The following KSR2 variants were observed in gnomAD, a reference collection of about 807,000 sequenced individuals.
KSR2 encodes the protein kinase suppressor of ras 2.
A neutral mutation model predicts 107.8 loss-of-function variants in KSR2; 25 were observed. That is an observed-to-expected ratio of 0.23 (90% CI 0.17 to 0.32). The LOEUF is 0.32. Among genes scored for constraint, KSR2 ranks in the 10% least tolerant of loss-of-function variants. The pLI is 1.00. For missense variants in KSR2, 887 were observed against 1,268.9 expected (o/e 0.70, Z 4.57); for synonymous variants, 480 against 507.0 (o/e 0.95, Z 0.71).
At chr12:117,731,611 AAAAG>A (rs1235261492) in intron 4 of KSR2, among the ~76,000 whole-genome samples, 2 of 152,148 alleles carry the variant, frequency 1.3e-5, no homozygotes, top group African/African-American at 4.8e-5. Flanking sequence ...AAATGTGGGG[AAAAG>A]AAAGAGAGAT....
chr12:117,757,760 G>A (rs1008970821), intron 4 of KSR2, among the ~76,000 whole-genome samples: 9 of 152,144 alleles, frequency 5.9e-5, no homozygotes, highest in Non-Finnish European at 1.3e-4. Context: ...ATTAATGTAT[G>A]TACATTGTTT....
intron 4 of KSR2, among the ~76,000 whole-genome samples, chr12:117,719,033 G>A (rs1887107645): frequency 1.3e-5 from 2 of 152,190 alleles, no homozygotes; most frequent in Admixed American, 1.3e-4. Flanking sequence ...GATTTGTAAG[G>A]TTTAAATTTT....
At chr12:117,724,580 C>A (rs1339098535) in intron 4 of KSR2, among the ~76,000 whole-genome samples, 1 of 56,798 alleles carries the variant, frequency 1.8e-5, no homozygotes, top group Non-Finnish European at 3.9e-5. Flanking sequence ...AAAAACCTGC[C>A]CCCCCACCCC....
At chr12:117,640,369 G>T (rs1883301739) in intron 5 of KSR2, among the ~76,000 whole-genome samples, 1 of 151,970 alleles carries the variant, frequency 6.6e-6, no homozygotes, top group Non-Finnish European at 1.5e-5. Flanking sequence ...TCCCACCTCA[G>T]CCTCCCCAGT....
chr12:117,744,729 T>C (rs1888341988), intron 4 of KSR2, among the ~76,000 whole-genome samples: 2 of 152,204 alleles, frequency 1.3e-5, no homozygotes, highest in Non-Finnish European at 2.9e-5. Flanking sequence ...CTTGATCCAT[T>C]ATTAACTTCA....
intron 1 of KSR2, among the ~76,000 whole-genome samples, chr12:117,881,301 G>C (rs765897165): frequency 3.2e-4 from 49 of 151,726 alleles, no homozygotes; most frequent in African/African-American, 1.0e-3. Flanking sequence ...GTTTGTTTTG[G>C]TTTGTTTGAG....
intron 8 of KSR2, among the ~76,000 whole-genome samples, 169 bp downstream of exon 8, chr12:117,558,337 T>C (rs1301484264): frequency 2.0e-5 from 3 of 151,448 alleles, no homozygotes; most frequent in African/African-American, 7.3e-5. Context: ...TAGGGGAGGA[T>C]AAAGGAGACA....
intron 5 of KSR2, among the ~76,000 whole-genome samples, chr12:117,585,725 C>T (rs975662572): frequency 2.0e-5 from 3 of 152,198 alleles, no homozygotes; most frequent in Non-Finnish European, 2.9e-5. Context: ...GATACAGAAA[C>T]TTCTGCTTAA....
At chr12:117,766,342 G>A (rs562250417) in intron 3 of KSR2, among the ~76,000 whole-genome samples, 25 of 152,260 alleles carry the variant, frequency 1.6e-4, no homozygotes, top group African/African-American at 5.3e-4. Context: ...ATCCCAAAGA[G>A]GCAAATCTAT....
intron 5 of KSR2, among the ~76,000 whole-genome samples, chr12:117,658,159 A>G (rs1593100936): frequency 6.6e-6 from 1 of 152,268 alleles, no homozygotes; most frequent in East Asian, 1.9e-4. Context: ...GAGAGAGCAC[A>G]GGAGCCAGCC....
chr12:117,953,631 A>C (rs1896428350), intron 1 of KSR2, among the ~76,000 whole-genome samples: 1 of 152,224 alleles, frequency 6.6e-6, no homozygotes, highest in Non-Finnish European at 1.5e-5. Context: ...GTAGGATGAC[A>C]GTTACCATGT....
chr12:117,838,350 G>C (rs1892326352), intron 3 of KSR2, among the ~76,000 whole-genome samples: 1 of 152,184 alleles, frequency 6.6e-6, no homozygotes, highest in Non-Finnish European at 1.5e-5. Flanking sequence ...TGTATTTTTA[G>C]TAGAGATGGG....
At chr12:117,540,113 TGG>T (rs1876375021) in intron 9 of KSR2, among the ~76,000 whole-genome samples, 1 of 152,022 alleles carries the variant, frequency 6.6e-6, no homozygotes, top group African/African-American at 2.4e-5. Flanking sequence ...GTCCACTGCT[TGG>T]ACCCCAGAGT....
At chr12:117,717,712 T>TGTGTGTGCGCGCGCGC (rs1209120329) in intron 4 of KSR2, among the ~76,000 whole-genome samples, 4 of 137,060 alleles carry the variant, frequency 2.9e-5, no homozygotes, top group African/African-American at 1.0e-4. Context: ...TGTGTGTGTG[T>TGTGTGTGCGCGCGCGC]GCATGCGCGC....
chr12:117,636,157 T>G (rs7309018), intron 5 of KSR2, among the ~76,000 whole-genome samples: 25,099 of 152,130 alleles, frequency 0.16, 2,161 homozygotes, highest in Middle Eastern at 0.24. Context: ...TAATGTCTTT[T>G]TCTATTGTAA....
In KSR2 at chr12:117,586,629, A is replaced by AAGAAAGAAAGAAAG. The variant is rs1555219139; in HGVS notation, c.1172-4271_1172-4270insCTTTCTTTCTTTCT. On this transcript the variant is annotated intron_variant, in intron 5 of 19. Coordinates refer to ENST00000339824, the MANE Select transcript of KSR2 (RefSeq NM_173598.6). ...AAAGAAAGAAAAGAAAAAAGAAAGAAAAAGAAAGAAAGAAAGAAAGAAAGA... is the reference window on the plus strand; with the variant it reads ...AAAGAAAGAAAAGAAAAAAGAAAGAAAGAAAGAAAGAAAGAAAGAAAGAAAGAAAGAAAGAAAGA... Among the ~76,000 whole-genome samples the AAGAAAGAAAGAAAG allele has an allele frequency of 1.6e-3, 219 of 138,390 alleles. 2 individuals carry two copies. The highest frequency in any genetic ancestry group is 5.8e-3 in the African/African-American group (208 of 35,590). 90.8% of individuals were successfully genotyped at this position (138,390 alleles called of 152,430 possible).
chr12:117,793,522 T>C (rs1342584613), intron 3 of KSR2, among the ~76,000 whole-genome samples: 7 of 74,108 alleles, frequency 9.4e-5, no homozygotes, highest in African/African-American at 3.6e-4. Flanking sequence ...TATGCACACA[T>C]ACACCAACGT....
intron 10 of KSR2, among the ~76,000 whole-genome samples, chr12:117,534,444 T>G (rs1325807140): frequency 1.3e-5 from 2 of 152,150 alleles, no homozygotes; most frequent in African/African-American, 4.8e-5. Context: ...TCTGTTCTCT[T>G]GCATTTGCTC....
chr12:117,964,478 C>T (rs1321001778), intron 1 of KSR2, among the ~76,000 whole-genome samples: 1 of 152,178 alleles, frequency 6.6e-6, no homozygotes, highest in Middle Eastern at 3.2e-3. Context: ...GAATTAAAAA[C>T]GCTAACATCC....
Sources: allele counts gnomAD v4.1 joint callset (sites outside exome capture counted in the v4.1 genomes callset), GRCh38; gene constraint gnomAD v4.1.1; transcripts MANE v1.5; gene names NCBI Gene and HGNC (gene_info 2026-07-23, HGNC 2026-07-21).